PPCDC: variants seen among roughly 807,000 people sequenced by gnomAD.
PPCDC encodes phosphopantothenoylcysteine decarboxylase.
Under a neutral mutation model 20.7 loss-of-function variants are expected in PPCDC, and 20 were observed. That is an observed-to-expected ratio of 0.97 (90% CI 0.68 to 1.41). PPCDC has a LOEUF of 1.41. PPCDC is among the 40% of genes most tolerant of loss of function. The pLI is 0.00. For synonymous variants in PPCDC, 88 were observed against 100.3 expected (o/e 0.88, Z 0.73); for missense variants, 246 against 263.8 (o/e 0.93, Z 0.47).
chr15:75,031,632 A>G (rs1253928028), intron 2 of PPCDC, among the ~76,000 whole-genome samples: 1 of 152,196 alleles, frequency 6.6e-6, no homozygotes, highest in Non-Finnish European at 1.5e-5. Flanking sequence ...TGAACCCAGA[A>G]GGCAGAGGTT....
intron 4 of PPCDC, among the ~76,000 whole-genome samples, chr15:75,045,773 A>G (rs778758897): frequency 5.3e-5 from 8 of 152,102 alleles, no homozygotes; most frequent in Non-Finnish European, 1.0e-4. Flanking sequence ...AGTCCCAGCT[A>G]CTTGGGAGGC....
At chr15:75,028,006 G>A (rs2065977030) in intron 1 of PPCDC, among the ~76,000 whole-genome samples, 1 of 152,172 alleles carries the variant, frequency 6.6e-6, no homozygotes, top group African/African-American at 2.4e-5. Context: ...TTCTAGAGAT[G>A]GTCACCCTGA....
intron 4 of PPCDC, among the ~76,000 whole-genome samples, chr15:75,045,944 C>G (rs7494839): frequency 1.3e-5 from 2 of 151,422 alleles, no homozygotes; most frequent in Non-Finnish European, 2.9e-5. Flanking sequence ...GGCATGGTGC[C>G]TCATGCCTAT....
Position 75,035,457 on chromosome 15 carries a change from C to A in PPCDC, c.135+7004C>A, listed in dbSNP as rs914755226. On this transcript the variant is annotated intron_variant, in intron 2 of 5. Transcript: ENST00000342932. ...GGCCTGAAGTAGAAACGGGAGGTATCACTCTAAATCCTCATTCCATTTCTC... is the reference window on the plus strand; with the variant it reads ...GGCCTGAAGTAGAAACGGGAGGTATAACTCTAAATCCTCATTCCATTTCTC... Among the ~76,000 whole-genome samples the A allele has an allele frequency of 3.3e-5, 5 of 152,152 alleles. No individual in the cohort carries two copies. The South Asian group carries it at 1.0e-3, about 32-fold the overall frequency.
At chr15:75,024,468 C>T (rs2065938895) in intron 1 of PPCDC, among the ~76,000 whole-genome samples, 1 of 151,978 alleles carries the variant, frequency 6.6e-6, no homozygotes, top group African/African-American at 2.4e-5. Context: ...CTGCCTCAGC[C>T]TCCTGTGTAG....
At position 75,047,205 on chromosome 15, in the gene PPCDC, C is replaced by T. The variant is rs559797881; in HGVS notation, c.361-1348C>T. ...TGCTCCTGCCCTGCACACAGCGGAG[C>T]GACTTTTCTAGGTATGCTCTTGATT... On this transcript the variant is annotated intron_variant, in intron 4 of 5. Transcript: ENST00000342932. Among the ~76,000 whole-genome samples the T allele has an allele frequency of 4.2e-4, 64 of 152,284 alleles. No individual in the cohort carries two copies. The South Asian group carries it at 5.2e-3, about 12-fold the overall frequency.
At chr15:75,040,307 G>A (rs949231987) in intron 2 of PPCDC, among the ~76,000 whole-genome samples, 24 of 151,604 alleles carry the variant, frequency 1.6e-4, no homozygotes, top group Admixed American at 3.3e-4. Flanking sequence ...TGAACTCCTG[G>A]CCTCAAGCAA....
intron 4 of PPCDC, among the ~76,000 whole-genome samples, chr15:75,047,903 C>T (rs1478977272): frequency 6.6e-6 from 1 of 152,192 alleles, no homozygotes; most frequent in Non-Finnish European, 1.5e-5. Context: ...CACAACTGCT[C>T]AGGTCTGTGG....
chr15:75,038,010 C>G (rs944819621), intron 2 of PPCDC, among the ~76,000 whole-genome samples: 1 of 152,140 alleles, frequency 6.6e-6, no homozygotes, highest in Admixed American at 6.5e-5. Flanking sequence ...CAAATTGCTA[C>G]AGATGAGGCT....
At position 75,048,541 on chromosome 15, in the gene PPCDC, C is replaced by T. The variant is rs542150292; in HGVS notation, c.361-12C>T. On this transcript the variant is annotated splice_polypyrimidine_tract_variant and intron_variant, in intron 4 of 5. Transcript: ENST00000342932. ...AGTAGCAAGACCCCCACTTCCCTGG[C>T]CTTCTTCACAGACCTGCGTCATGCG... 2 of 1,612,166 alleles carry T rather than the reference C, an allele frequency of 1.2e-6. No homozygotes were observed. Among genetic ancestry groups the T allele is most frequent in the Admixed American group, 3.3e-5 (2 of 59,814 alleles).
At chr15:75,029,411 T>A (rs1305009019) in intron 2 of PPCDC, among the ~76,000 whole-genome samples, 2 of 152,180 alleles carry the variant, frequency 1.3e-5, no homozygotes. Context: ...TTCCCTCTTG[T>A]TATCAGCTGA....
In PPCDC at chr15:75,049,181, C is replaced by G; in HGVS notation, c.561C>G (p.Ile187Met). The G allele has an allele frequency of 1.2e-6, 2 of 1,614,184 alleles. No individual in the cohort carries two copies. Among genetic ancestry groups the G allele is most frequent in the African/African-American group, 2.7e-5 (2 of 75,050 alleles). ...GGGCCATGGCTGAAGTGGGGACCATCGTGGACAAAGTGAAAGAAGTCCTCT... is the reference window on the plus strand; with the variant it reads ...GGGCCATGGCTGAAGTGGGGACCATGGTGGACAAAGTGAAAGAAGTCCTCT... ...GLGAMAEVGTIVDKVKEVLFQ... is the reference protein window; with the variant it reads ...GLGAMAEVGTMVDKVKEVLFQ... Residue 187 changes from isoleucine (I) to methionine (M), a missense_variant, in exon 6 of 6, where the codon ATC becomes ATG. Ile to Met is a conservative substitution (Grantham distance 10). Transcript: ENST00000342932.
intron 2 of PPCDC, among the ~76,000 whole-genome samples, chr15:75,029,658 G>A (rs12916473): frequency 0.024 from 3,637 of 152,202 alleles, 69 homozygotes; most frequent in Non-Finnish European, 0.037. Context: ...GGAGAGTCTC[G>A]TGGCACTCTG....
chr15:75,031,524 T>C (rs2066021521), intron 2 of PPCDC, among the ~76,000 whole-genome samples: 1 of 152,060 alleles, frequency 6.6e-6, no homozygotes, highest in Non-Finnish European at 1.5e-5. Context: ...CTAGCCAACA[T>C]GGTAAAACCC....
At chr15:75,037,910 A>C (rs908568846) in intron 2 of PPCDC, among the ~76,000 whole-genome samples, 8 of 152,022 alleles carry the variant, frequency 5.3e-5, no homozygotes, top group Non-Finnish European at 1.2e-4. Context: ...GTGGTTGGTG[A>C]CCTACAGGAA....
Position 75,038,962 on chromosome 15 carries a change from G to C in PPCDC, c.136-4479G>C, listed in dbSNP as rs568568837. The stretch of plus-strand genomic sequence containing the variant: ...TGTTAATTTCTAAGAGTTCTTTTTT[G>C]TTCCTTGAATACTCATTTTAAAAAG... On this transcript the variant is annotated intron_variant, in intron 2 of 5. Coordinates refer to ENST00000342932, the MANE Select transcript of PPCDC (RefSeq NM_021823.5). Among the ~76,000 whole-genome samples, 15 of 149,336 alleles carry C rather than the reference G, an allele frequency of 1.0e-4. No homozygotes were observed. The South Asian group carries it at 3.2e-3, about 32-fold the overall frequency.
rs774492210 is a variant in PPCDC at position 75,048,648 on chromosome 15, G to C, written c.456G>C (p.Gln152His). ...GGGAGCACCCGATCACAGCGCAGCAGGTAGACCAGCTCAAGGCCTTTGGCT... is the reference window on the plus strand; with the variant it reads ...GGGAGCACCCGATCACAGCGCAGCACGTAGACCAGCTCAAGGCCTTTGGCT... ...AMWEHPITAQ[Q>H]VDQLKAFGYV... Residue 152 changes from glutamine to histidine, a missense_variant, in exon 5 of 6, where the codon CAG becomes CAC. Gln to His is a conservative substitution (Grantham distance 24). Transcript: ENST00000342932. 1 of 1,614,236 alleles carries C rather than the reference G, an allele frequency of 6.2e-7. No homozygotes were observed. The highest frequency in any genetic ancestry group is 1.1e-5 in the South Asian group (1 of 91,090).
At chr15:75,032,741 C>A in intron 2 of PPCDC, among the ~76,000 whole-genome samples, 1 of 140,144 alleles carries the variant, frequency 7.1e-6, no homozygotes, top group Non-Finnish European at 1.5e-5. Context: ...CCCCCAAGGC[C>A]AAATTCGGCT....
intron 2 of PPCDC, 42 bp downstream of exon 2, chr15:75,028,495 G>A (rs1189013322): frequency 6.2e-7 from 1 of 1,612,310 alleles, no homozygotes; most frequent in Non-Finnish European, 8.5e-7. Context: ...CTCCGGCATG[G>A]GAGGCCGGTG....
Sources: allele counts gnomAD v4.1 joint callset (sites outside exome capture counted in the v4.1 genomes callset), GRCh38; gene constraint gnomAD v4.1.1; transcripts MANE v1.5; gene names NCBI Gene and HGNC (gene_info 2026-07-23, HGNC 2026-07-21).